The following ROR1 variants were observed in gnomAD, a reference collection of about 807,000 sequenced individuals.
ROR1 encodes inactive tyrosine-protein kinase transmembrane receptor ROR1.
ROR1 carries 19 observed loss-of-function variants against 78.8 expected under a neutral mutation model. The ratio of observed to expected loss-of-function variants is 0.24; its 90% CI spans 0.17 to 0.35. The LOEUF (loss-of-function observed/expected upper bound fraction) is 0.35. ROR1 is among the 10% of genes least tolerant of loss of function. ROR1 has a pLI of 1.00. For missense variants in ROR1, 917 were observed against 1,177.8 expected, an observed-to-expected ratio of 0.78 and a Z score of 3.24; for synonymous variants, 386 against 433.6, an observed-to-expected ratio of 0.89 and a Z score of 1.36.
chr1:64,032,340 C>CAAAAAAAAAAAAAA, intron 2 of ROR1, among the ~76,000 whole-genome samples: 1 of 76,344 alleles, frequency 1.3e-5, no homozygotes, highest in Non-Finnish European at 2.5e-5. Context: ...GACTCCGTCT[C>CAAAAAAAAAAAAAA]AAAAAAAAAA....
In ROR1 at chr1:63,968,563, C is replaced by A. The variant is rs373825073; in HGVS notation, c.92-40742C>A. On this transcript the variant is annotated intron_variant, in intron 1 of 8. Coordinates refer to ENST00000371079, the MANE Select transcript of ROR1 (RefSeq NM_005012.4). ...AAATATAGACAATCCTGGTAATAAA[C>A]ACCAAAAATGTCAATGCAGGTTTCT... Among the ~76,000 whole-genome samples, 12 of 151,966 alleles carry A rather than the reference C, an allele frequency of 7.9e-5. No homozygotes were observed. In the South Asian group the frequency reaches 2.3e-3, roughly 29 times the overall value.
chr1:64,173,743 G>A (rs187642289), intron 8 of ROR1, among the ~76,000 whole-genome samples: 3 of 152,272 alleles, frequency 2.0e-5, no homozygotes, highest in East Asian at 1.9e-4. Flanking sequence ...TCTTAGCCAC[G>A]AAGCCCCAAG....
chr1:63,924,932 CTTTT>C (rs751680204), intron 1 of ROR1, among the ~76,000 whole-genome samples: 3 of 85,036 alleles, frequency 3.5e-5, no homozygotes, highest in Non-Finnish European at 7.5e-5. Context: ...AAAGGGGATG[CTTTT>C]TTTTTTTTTT....
Position 64,177,881 on chromosome 1 carries a change from A to G in ROR1, c.1840A>G (p.Lys614Glu). 2.5e-6 allele frequency: 4 copies of G among 1,614,170 alleles called. No individual in the cohort carries two copies. The highest frequency in any genetic ancestry group is 3.4e-6 in the Non-Finnish European group (4 of 1,180,026). ...CCTGTCTAGTCACTTCTTTGTCCAC[A>G]AGGACCTTGCAGCTCGCAATATTTT... ...EYLSSHFFVH[K>E]DLAARNILIG... The change falls in exon 9 of 9, where the codon AAG becomes GAG. Residue 614 changes from lysine to glutamate, a missense_variant. Lys to Glu is a moderately conservative substitution (Grantham distance 56). Coordinates refer to ENST00000371079, the MANE Select transcript of ROR1 (RefSeq NM_005012.4).
At position 63,774,057 on chromosome 1, in the gene ROR1, G is replaced by GCCA. The variant is rs1644595029; in HGVS notation, c.-358_-356dup. On this transcript the variant is annotated 5_prime_UTR_variant, in exon 1 of 9. Transcript: ENST00000371079. This position sits in a 1 kb window ranked among gnomAD's most constrained non-coding sequence, Gnocchi z 5.7. ...GGGAGCGTGGAGAGCTGGAGCAGCC[G>GCCA]CCACCGCCGCCGCCGAGGGAGCCCC... The GCCA allele has an allele frequency of 4.9e-5, 8 of 162,714 alleles. No homozygotes were observed. The South Asian group carries it at 1.2e-3, about 25-fold the overall frequency. The allele number at this position is 162,714 out of a possible 1,614,324, so 10.1% of individuals were successfully genotyped here.
intron 1 of ROR1, among the ~76,000 whole-genome samples, chr1:63,857,898 T>C (rs976932309): frequency 1.3e-5 from 2 of 152,218 alleles, no homozygotes; most frequent in Admixed American, 1.3e-4. Context: ...GAGGTTCTTG[T>C]TCTTTCAGAT....
intron 1 of ROR1, among the ~76,000 whole-genome samples, chr1:63,951,203 C>A (rs558611706): frequency 6.6e-6 from 1 of 152,250 alleles, no homozygotes; most frequent in South Asian, 2.1e-4. Context: ...CAGTTAATTT[C>A]TTTACCAGGA....
intron 1 of ROR1, among the ~76,000 whole-genome samples, chr1:63,808,678 T>C (rs1392735320): frequency 6.6e-6 from 1 of 152,138 alleles, no homozygotes; most frequent in Non-Finnish European, 1.5e-5. Flanking sequence ...CAGAAATGTG[T>C]CATGTGGGTC....
Position 63,926,047 on chromosome 1 carries a change from T to C in ROR1, c.92-83258T>C, listed in dbSNP as rs1000495948. 9.9e-5 allele frequency among the ~76,000 whole-genome samples: 15 copies of C among 152,278 alleles called. No individual in the cohort carries two copies. In the East Asian group the frequency reaches 2.3e-3, roughly 23 times the overall value. On this transcript the variant is annotated intron_variant, in intron 1 of 8. Transcript: ENST00000371079. Reference sequence around the variant, plus strand: ...GATCCCATTTGTCAATTTTGTCTTTTGTTGCCATTGCTTTTGGTGTTTTAG... The same window carrying C: ...GATCCCATTTGTCAATTTTGTCTTTCGTTGCCATTGCTTTTGGTGTTTTAG...
Position 63,831,432 on chromosome 1 carries a change from G to A in ROR1, c.91+56924G>A, listed in dbSNP as rs186573702. The stretch of plus-strand genomic sequence containing the variant: ...CTCAACTTTTGTCTTATGTGCACTC[G>A]CAGGCCCAACACCAGGTGGAAGCTG... On this transcript the variant is annotated intron_variant, in intron 1 of 8. Transcript: ENST00000371079. Among the ~76,000 whole-genome samples the A allele has an allele frequency of 1.7e-4, 26 of 152,302 alleles. No homozygotes were observed. The East Asian group carries it at 4.3e-3, about 25-fold the overall frequency.
intron 4 of ROR1, among the ~76,000 whole-genome samples, chr1:64,119,013 G>T (rs72685195): frequency 1.3e-5 from 2 of 152,120 alleles, no homozygotes; most frequent in Non-Finnish European, 2.9e-5. Flanking sequence ...GGTCATCTCT[G>T]GCTGGCGTAA....
intron 4 of ROR1, chr1:64,110,993 A>AT (rs1648072177): frequency 6.6e-6 from 1 of 151,986 alleles, no homozygotes; most frequent in African/African-American, 2.4e-5. Context: ...GGGAGAAGGA[A>AT]GAAAAAAAAA....
intron 2 of ROR1, among the ~76,000 whole-genome samples, chr1:64,014,515 A>G (rs1375175216): frequency 2.0e-5 from 3 of 150,584 alleles, no homozygotes. Context: ...GGTGGGTGTG[A>G]TAAGGGCCTA....
At chr1:64,038,205 C>T (rs899701649) in intron 2 of ROR1, among the ~76,000 whole-genome samples, 1 of 152,146 alleles carries the variant, frequency 6.6e-6, no homozygotes, top group Non-Finnish European at 1.5e-5. Context: ...CCCTAAATGC[C>T]TGCACATTCC....
At chr1:64,048,377 A>G (rs1272600115) in intron 2 of ROR1, among the ~76,000 whole-genome samples, 1 of 152,232 alleles carries the variant, frequency 6.6e-6, no homozygotes, top group Non-Finnish European at 1.5e-5. Flanking sequence ...GGTGGATAAC[A>G]CTGCTAGACA....
At chr1:64,003,722 TC>T in intron 1 of ROR1, among the ~76,000 whole-genome samples, 1 of 152,312 alleles carries the variant, frequency 6.6e-6, no homozygotes, top group Middle Eastern at 3.4e-3. Flanking sequence ...AGCCTGCCTG[TC>T]CTTTTAAGTT....
chr1:64,099,855 G>T (rs748925961), intron 4 of ROR1, among the ~76,000 whole-genome samples: 2 of 151,478 alleles, frequency 1.3e-5, no homozygotes, highest in Non-Finnish European at 3.0e-5. Flanking sequence ...AAGAGTCCAA[G>T]ACCAGCTGGC....
intron 1 of ROR1, among the ~76,000 whole-genome samples, chr1:63,982,629 C>A (rs370594971): frequency 6.6e-6 from 1 of 152,126 alleles, no homozygotes; most frequent in African/African-American, 2.4e-5. Flanking sequence ...TTGAAGAGAC[C>A]GCATTAAGTG....
intron 7 of ROR1, chr1:64,143,210 A>C (rs1292289815): frequency 3.3e-5 from 33 of 990,062 alleles, no homozygotes; most frequent in Non-Finnish European, 4.0e-5. Context: ...CTTTTTCTAG[A>C]AAATGTTTGG....
Sources: allele counts gnomAD v4.1 joint callset (sites outside exome capture counted in the v4.1 genomes callset), GRCh38; gene constraint gnomAD v4.1.1; non-coding constraint Gnocchi (gnomAD v3.1); transcripts MANE v1.5; gene names NCBI Gene and HGNC (gene_info 2026-07-23, HGNC 2026-07-21).